LAMP1: variants seen among roughly 807,000 people sequenced by gnomAD.
LAMP1 encodes lysosome-associated membrane glycoprotein 1.
A neutral mutation model predicts 37.5 loss-of-function variants in LAMP1; 7 were observed. The observed-to-expected ratio is 0.19, with a 90% CI of 0.11 to 0.35. The LOEUF is 0.35. Ranked by LOEUF, LAMP1 falls within the 10% of genes least tolerant of loss-of-function variation. LAMP1 has a pLI of 1.00. For synonymous variants in LAMP1, 236 were observed against 229.1 expected, an observed-to-expected ratio of 1.03 and a Z score of -0.27; for missense variants, 537 against 552.8, an observed-to-expected ratio of 0.97 and a Z score of 0.29.
chr13:113,306,362 A>AT, intron 1 of LAMP1, 123 bp from the exon 2 acceptor site: 2 of 1,220,860 alleles, frequency 1.6e-6, no homozygotes, highest in Non-Finnish European at 2.3e-6. Context: ...TCAAAAAAAA[A>AT]AAAAGAGAAA....
At chr13:113,300,707 A>G (rs1566396338) in intron 1 of LAMP1, among the ~76,000 whole-genome samples, 3 of 151,794 alleles carry the variant, frequency 2.0e-5, no homozygotes, top group Non-Finnish European at 2.9e-5. Context: ...AGTCCCAGTT[A>G]CTCAGGAGGC....
chr13:113,318,136 C>G (rs905355524), intron 4 of LAMP1, among the ~76,000 whole-genome samples: 2 of 152,266 alleles, frequency 1.3e-5, no homozygotes, highest in South Asian at 2.1e-4. Context: ...ACTGCAGCTC[C>G]TCTCTGCCAT....
chr13:113,304,370 C>T (rs1450407822), intron 1 of LAMP1, among the ~76,000 whole-genome samples: 2 of 152,234 alleles, frequency 1.3e-5, no homozygotes, highest in Non-Finnish European at 2.9e-5. Context: ...TCTGCTGTGT[C>T]TGCCTGTCCG....
At position 113,306,625 on chromosome 13, in the gene LAMP1, C is replaced by T. The variant is rs1034521661; in HGVS notation, c.183+19C>T. On this transcript the variant is annotated intron_variant, in intron 2 of 8. Coordinates refer to ENST00000332556, the MANE Select transcript of LAMP1 (RefSeq NM_005561.4). Reference sequence around the variant, plus strand: ...CCCTAAGGTAGGAAACACCAGGGCACTTCATGCTTCCCTTGTGTGTGTGGA... The same window carrying T: ...CCCTAAGGTAGGAAACACCAGGGCATTTCATGCTTCCCTTGTGTGTGTGGA... 1.2e-6 allele frequency: 2 copies of T among 1,606,926 alleles called. No homozygotes were observed. Among genetic ancestry groups the T allele is most frequent in the South Asian group, 2.2e-5 (2 of 90,180 alleles).
At position 113,314,253 on chromosome 13, in the gene LAMP1, C is replaced by T. The variant is rs537271009; in HGVS notation, c.562+3386C>T. Among the ~76,000 whole-genome samples the T allele has an allele frequency of 2.5e-4, 31 of 125,938 alleles. 1 individual carries two copies. The highest frequency in any genetic ancestry group is 5.8e-3 in the Middle Eastern group (1 of 172). 82.6% of individuals were successfully genotyped at this position (125,938 alleles called of 152,430 possible). Reference sequence around the variant, plus strand: ...GAACCAGTGCGGAGATGTCGGTGTGCCTGGGGCGTGGCCTCCCGGAGGGAG... The same window carrying T: ...GAACCAGTGCGGAGATGTCGGTGTGTCTGGGGCGTGGCCTCCCGGAGGGAG... On this transcript the variant is annotated intron_variant, in intron 4 of 8. Transcript: ENST00000332556.
rs1287394687 is a variant in LAMP1, at chr13:113,323,607, G to A, written c.*1186G>A. On this transcript the variant is annotated 3_prime_UTR_variant, in exon 9 of 9. Transcript: ENST00000332556. ...GGGAGTGGCCCGAGTGCCTGGCACAGTTGTCTGGTTCATTCATGTAACATG... is the reference window on the plus strand; with the variant it reads ...GGGAGTGGCCCGAGTGCCTGGCACAATTGTCTGGTTCATTCATGTAACATG... 1 of 152,000 alleles carries A rather than the reference G, an allele frequency of 6.6e-6. No individual in the cohort carries two copies. The highest frequency in any genetic ancestry group is 6.6e-5 in the Admixed American group (1 of 15,234). The allele number at this position is 152,000 out of a possible 1,614,324, so 9.4% of individuals were successfully genotyped here.
intron 1 of LAMP1, among the ~76,000 whole-genome samples, chr13:113,300,359 G>A (rs1167368336): frequency 6.6e-6 from 1 of 151,952 alleles, no homozygotes; most frequent in Non-Finnish European, 1.5e-5. Flanking sequence ...GGTGGCAGGC[G>A]CCTGTAATTC....
intron 4 of LAMP1, 95 bp from the exon 5 acceptor site, chr13:113,319,374 C>T: frequency 2.6e-6 from 3 of 1,141,432 alleles, no homozygotes; most frequent in African/African-American, 1.5e-5. Flanking sequence ...CGCCAGAGTC[C>T]ACAGATGTAG....
intron 5 of LAMP1, 97 bp downstream of exon 5, chr13:113,319,753 C>A: frequency 1.7e-6 from 2 of 1,196,564 alleles, no homozygotes; most frequent in Non-Finnish European, 2.4e-6. Flanking sequence ...GCACGTCATG[C>A]TGTTAAGTCA....
Position 113,306,092 on chromosome 13 carries a change from C to T in LAMP1, c.62-393C>T, listed in dbSNP as rs184822696. 243 of 160,658 alleles carry T rather than the reference C, an allele frequency of 1.5e-3. 2 individuals are homozygous for T. Among genetic ancestry groups the T allele is most frequent in the Non-Finnish European group, 5.6e-4 (41 of 73,340 alleles). 10.0% of individuals were successfully genotyped at this position (160,658 alleles called of 1,614,324 possible). A position where few individuals can be genotyped will look rare whatever the true frequency, so the allele number is the denominator to read the frequency against. On this transcript the variant is annotated intron_variant, in intron 1 of 8. Coordinates refer to ENST00000332556, the MANE Select transcript of LAMP1 (RefSeq NM_005561.4). ...ACACAGTGGAGGCTGGGTGCAGTGGCTGACACCTATAATCCCAGCACCTTG... is the reference window on the plus strand; with the variant it reads ...ACACAGTGGAGGCTGGGTGCAGTGGTTGACACCTATAATCCCAGCACCTTG...
Position 113,310,829 on chromosome 13 carries a change from T to G in LAMP1, c.524T>G (p.Ile175Ser), listed in dbSNP as rs764909087. 5 of 1,613,736 alleles carry G rather than the reference T, an allele frequency of 3.1e-6. No individual in the cohort carries two copies. The highest frequency in any genetic ancestry group is 4.2e-6 in the Non-Finnish European group (5 of 1,179,960). ...NVTVTLHDAT[I>S]QAYLSNSSFS... ...ACCGTAACGCTCCATGATGCCACCA[T>G]CCAGGCGTACCTTTCCAACAGCAGC... Residue 175 changes from isoleucine (I) to serine (S), a missense_variant, in exon 4 of 9, where the codon ATC becomes AGC. Coordinates refer to ENST00000332556, the MANE Select transcript of LAMP1 (RefSeq NM_005561.4).
chr13:113,309,876 T>C lies in LAMP1; in HGVS notation c.403+14T>C, dbSNP rs1191991358. 6.3e-7 allele frequency: 1 copy of C among 1,598,136 alleles called. No homozygotes were observed. Among genetic ancestry groups the C allele is most frequent in the Admixed American group, 1.7e-5 (1 of 59,916 alleles). ...CGAGCTCCAAAGGTAAGAACCAAAA[T>C]GGGCCGATTATGAAGTGATAGAAAA... is the stretch of plus-strand genomic sequence containing the variant. On this transcript the variant is annotated intron_variant, in intron 3 of 8. Transcript: ENST00000332556.
chr13:113,300,976 A>G (rs1005672071), intron 1 of LAMP1, among the ~76,000 whole-genome samples: 2 of 152,124 alleles, frequency 1.3e-5, no homozygotes, highest in African/African-American at 2.4e-5. Flanking sequence ...GCCCCATCCC[A>G]GACAACGTTA....
chr13:113,319,451 C>A lies in LAMP1; in HGVS notation c.563-18C>A, dbSNP rs987126755. 6.3e-7 allele frequency: 1 copy of A among 1,584,850 alleles called. No individual in the cohort carries two copies. The highest frequency in any genetic ancestry group is 8.6e-7 in the Non-Finnish European group (1 of 1,162,654). On this transcript the variant is annotated intron_variant, in intron 4 of 8. Coordinates refer to ENST00000332556, the MANE Select transcript of LAMP1 (RefSeq NM_005561.4). Reference sequence around the variant, plus strand: ...TATGAGAAACCCAGACCTGAATCTCCCTCCACTGCACCTGCAGAGACACGC... The same window carrying A: ...TATGAGAAACCCAGACCTGAATCTCACTCCACTGCACCTGCAGAGACACGC...
At position 113,297,388 on chromosome 13, in the gene LAMP1, G is replaced by A. The variant is rs1305699620; in HGVS notation, c.-47G>A. On this transcript the variant is annotated 5_prime_UTR_variant, in exon 1 of 9. Transcript: ENST00000332556. The surrounding 1 kb of genome is among the most constrained non-coding windows in gnomAD (Gnocchi z 4.4). ...GCGCCCGGCAGTCCGCGGCCCAACC[G>A]CCGCCCGCGCCCCCGCTCCCCGCAC... is the stretch of plus-strand genomic sequence containing the variant. The A allele has an allele frequency of 1.9e-6, 1 of 517,402 alleles. No homozygotes were observed. The highest frequency in any genetic ancestry group is 2.8e-6 in the Non-Finnish European group (1 of 359,996). The allele number at this position is 517,402 out of a possible 1,614,324, so 32.1% of individuals were successfully genotyped here.
chr13:113,314,276 G>A (rs1465022941), intron 4 of LAMP1, among the ~76,000 whole-genome samples: 1 of 133,882 alleles, frequency 7.5e-6, no homozygotes, highest in East Asian at 2.6e-4. Context: ...CTCCCGGAGG[G>A]AGTCAGTGTG....
Position 113,322,296 on chromosome 13 carries a change from C to T in LAMP1, c.1129C>T (p.Leu377=), listed in dbSNP as rs760561796. The T allele has an allele frequency of 1.2e-6, 2 of 1,612,582 alleles. No homozygotes were observed. The highest frequency in any genetic ancestry group is 1.7e-6 in the Non-Finnish European group (2 of 1,179,504). ...TGTCTTGGCAGTGGAGGAGTGTCTG[C>T]TGGACGAGAACAGCATGCTGATCCC... is the stretch of plus-strand genomic sequence containing the variant. ...GQFGSVEECL[L]DENSMLIPIA... is the part of the protein sequence containing the mutation. Residue 377 remains leucine, a synonymous_variant, in exon 9 of 9, where the codon CTG becomes TTG. Transcript: ENST00000332556.
intron 1 of LAMP1, among the ~76,000 whole-genome samples, chr13:113,301,571 G>A (rs555556755): frequency 8.9e-4 from 132 of 148,638 alleles, no homozygotes; most frequent in African/African-American, 3.1e-3. Flanking sequence ...TGCAGTGAGC[G>A]AAGATCATGC....
In LAMP1 at chr13:113,321,800, C is replaced by A; in HGVS notation, c.1114+73C>A. On this transcript the variant is annotated intron_variant, in intron 8 of 8. Transcript: ENST00000332556. This position sits in a 1 kb window ranked among gnomAD's most constrained non-coding sequence, Gnocchi z 5.6. ...CAGACTCCGCCTGTGGACGTTTAGT[C>A]GCTTCCGTGTGGGCTGGGGCGACGC... is the stretch of plus-strand genomic sequence containing the variant. 6.8e-7 allele frequency: 1 copy of A among 1,477,318 alleles called. No homozygotes were observed. The highest frequency in any genetic ancestry group is 1.2e-5 in the South Asian group (1 of 84,776). The allele number at this position is 1,477,318 out of a possible 1,614,324, so 91.5% of individuals were successfully genotyped here. A position where few individuals can be genotyped will look rare whatever the true frequency, so the allele number is the denominator to read the frequency against.
Sources: allele counts gnomAD v4.1 joint callset (sites outside exome capture counted in the v4.1 genomes callset), GRCh38; gene constraint gnomAD v4.1.1; non-coding constraint Gnocchi (gnomAD v3.1); transcripts MANE v1.5; gene names NCBI Gene and HGNC (gene_info 2026-07-23, HGNC 2026-07-21).